OR6C2: variants seen among roughly 807,000 people sequenced by gnomAD.
OR6C2 encodes olfactory receptor family 6 subfamily C member 2, also known as olfactory receptor 6C2.
For missense variants in OR6C2, 435 were observed against 365.8 expected (o/e 1.19, Z -1.54); for synonymous variants, 146 against 134.2 (o/e 1.09, Z -0.61).
Position 55,452,602 on chromosome 12 carries a change from A to T in OR6C2, c.389A>T (p.Tyr130Phe), listed in dbSNP as rs768723583. 1.9e-6 allele frequency: 3 copies of T among 1,613,854 alleles called. No individual in the cohort carries two copies. The highest frequency in any genetic ancestry group is 1.1e-5 in the South Asian group (1 of 91,082). The change falls in exon 2 of 2, where the codon TAT (tyrosine) becomes TTT (phenylalanine). Residue 130 changes from tyrosine (Y) to phenylalanine (F), a missense_variant. Transcript: ENST00000641202. ...RYVAICKPLH[Y>F]VVIMNNRVCT... Reference sequence around the variant, plus strand: ...GTGGCCATCTGTAAACCCCTTCATTATGTGGTCATCATGAACAACAGGGTG... The same window carrying T: ...GTGGCCATCTGTAAACCCCTTCATTTTGTGGTCATCATGAACAACAGGGTG...
intron 1 of OR6C2, among the ~76,000 whole-genome samples, chr12:55,445,755 G>A (rs988677467): frequency 2.0e-5 from 3 of 152,144 alleles, no homozygotes; most frequent in Non-Finnish European, 4.4e-5. Context: ...ATATAAATTA[G>A]GTGATTGCTG....
chr12:55,452,800 TG>T lies in OR6C2; in HGVS notation c.589del (p.Val197LeufsTer13). 1 of 1,613,760 alleles carries T rather than the reference TG, an allele frequency of 6.2e-7. No homozygotes were observed. The highest frequency in any genetic ancestry group is 8.5e-7 in the Non-Finnish European group (1 of 1,179,780). ...SCSDTWVIEQ[M>X]VILMAVFALI... is the part of the protein sequence containing the mutation. ...TCAGATACATGGGTAATAGAACAGA[TG>T]GTTATACTTATGGCTGTATTTGCAC... On this transcript the variant is annotated frameshift_variant, in exon 2 of 2. Transcript: ENST00000641202. LOFTEE classifies it low-confidence loss of function (END_TRUNC).
chr12:55,448,702 G>A (rs765956858), intron 1 of OR6C2, among the ~76,000 whole-genome samples: 9 of 143,236 alleles, frequency 6.3e-5, no homozygotes, highest in Non-Finnish European at 9.1e-5. Flanking sequence ...CTATTGTAGC[G>A]TTGTTTTCCT....
intron 1 of OR6C2, among the ~76,000 whole-genome samples, chr12:55,444,716 G>C (rs2120672462): frequency 6.6e-6 from 1 of 152,168 alleles, no homozygotes; most frequent in East Asian, 1.9e-4. Context: ...CAAAGGGAGA[G>C]GCATGAAAAC....
chr12:55,446,515 AG>A (rs1296296376), intron 1 of OR6C2, among the ~76,000 whole-genome samples: 2 of 152,216 alleles, frequency 1.3e-5, no homozygotes, highest in East Asian at 1.9e-4. Flanking sequence ...TCCAACAGCT[AG>A]GTGGAAGCAT....
At chr12:55,448,629 G>A (rs1871406237) in intron 1 of OR6C2, among the ~76,000 whole-genome samples, 1 of 77,138 alleles carries the variant, frequency 1.3e-5, no homozygotes, top group Non-Finnish European at 2.5e-5. Context: ...CCTGTATCTG[G>A]CTTCCATTCA....
At chr12:55,447,804 A>T (rs1465868359) in intron 1 of OR6C2, among the ~76,000 whole-genome samples, 1 of 152,102 alleles carries the variant, frequency 6.6e-6, no homozygotes, top group Non-Finnish European at 1.5e-5. Flanking sequence ...ATTTAAGAGT[A>T]AAGTTAGTTC....
chr12:55,449,001 A>G (rs894459615), intron 1 of OR6C2, among the ~76,000 whole-genome samples: 1 of 151,948 alleles, frequency 6.6e-6, no homozygotes, highest in East Asian at 1.9e-4. Flanking sequence ...AACTAAATGA[A>G]CCTTCTAATA....
chr12:55,453,099 A>G lies in OR6C2; in HGVS notation c.886A>G (p.Lys296Glu). ...TTACACCTTGAGGAACAAGCAAGTG[A>G]AACAAGCTTTCAGTGACTCTATAAA... Reference protein sequence around the residue: ...FIYTLRNKQVKQAFSDSIKRI... With the variant: ...FIYTLRNKQVEQAFSDSIKRI... The change falls in exon 2 of 2, where the codon AAA (lysine) becomes GAA (glutamate). Residue 296 changes from lysine (K) to glutamate (E), a missense_variant. Lys to Glu is a moderately conservative substitution (Grantham distance 56). Coordinates refer to ENST00000641202, the MANE Select transcript of OR6C2 (RefSeq NM_054105.2). The G allele has an allele frequency of 6.2e-7, 1 of 1,613,330 alleles. No individual in the cohort carries two copies.
chr12:55,444,765 T>C (rs985530484), intron 1 of OR6C2, among the ~76,000 whole-genome samples: 32 of 152,332 alleles, frequency 2.1e-4, no homozygotes, highest in African/African-American at 7.5e-4. Flanking sequence ...AGTTACTTCA[T>C]AGTTTATGCT....
intron 1 of OR6C2, among the ~76,000 whole-genome samples, chr12:55,445,037 T>A (rs770274212): frequency 6.6e-6 from 1 of 152,018 alleles, no homozygotes; most frequent in African/African-American, 2.4e-5. Flanking sequence ...AGTGTGAGAG[T>A]TTCGCAAAGA....
chr12:55,448,076 T>C (rs1446609387), intron 1 of OR6C2, among the ~76,000 whole-genome samples: 2 of 152,108 alleles, frequency 1.3e-5, no homozygotes, highest in African/African-American at 2.4e-5. Context: ...TAGTTTGATA[T>C]GCATTTCCCT....
intron 1 of OR6C2, among the ~76,000 whole-genome samples, chr12:55,447,364 CT>C (rs1466429278): frequency 1.3e-5 from 2 of 149,688 alleles, no homozygotes; most frequent in Non-Finnish European, 3.0e-5. Flanking sequence ...GATATCTATT[CT>C]CTTAAGCCTT....
At chr12:55,445,788 T>C (rs910911767) in intron 1 of OR6C2, among the ~76,000 whole-genome samples, 6 of 152,222 alleles carry the variant, frequency 3.9e-5, no homozygotes, top group Non-Finnish European at 7.3e-5. Context: ...ACAACACTGA[T>C]AGGCAGCTTA....
chr12:55,448,219 A>G (rs1382009017), intron 1 of OR6C2, among the ~76,000 whole-genome samples: 18 of 151,666 alleles, frequency 1.2e-4, no homozygotes, highest in Admixed American at 1.2e-3. Context: ...GAATTGTAGG[A>G]ATTTTTTATG....
chr12:55,448,063 T>C (rs139017276), intron 1 of OR6C2, among the ~76,000 whole-genome samples: 105 of 152,224 alleles, frequency 6.9e-4, no homozygotes, highest in Non-Finnish European at 9.6e-4. Context: ...TGATATCTCA[T>C]TGTAGTTTGA....
At chr12:55,447,403 A>G (rs1474027865) in intron 1 of OR6C2, among the ~76,000 whole-genome samples, 2 of 151,676 alleles carry the variant, frequency 1.3e-5, no homozygotes, top group African/African-American at 4.8e-5. Flanking sequence ...TTTGTTAACT[A>G]TAGGCACCAT....
chr12:55,445,052 A>G (rs1329150404), intron 1 of OR6C2, among the ~76,000 whole-genome samples: 1 of 152,156 alleles, frequency 6.6e-6, no homozygotes, highest in Non-Finnish European at 1.5e-5. Flanking sequence ...CAAAGAGACC[A>G]GTTTTGGGGG....
In OR6C2 at chr12:55,452,450, C is replaced by T. The variant is rs1177257384; in HGVS notation, c.237C>T (p.Phe79=). The change falls in exon 2 of 2, where the codon TTC becomes TTT. Residue 79 remains phenylalanine, a synonymous_variant. Coordinates refer to ENST00000641202, the MANE Select transcript of OR6C2 (RefSeq NM_054105.2). Reference sequence around the variant, plus strand: ...TTACTACAGTCTGCATTCCCAGATTCTTGTACAATATATCAATGGGGGACA... The same window carrying T: ...TTACTACAGTCTGCATTCCCAGATTTTTGTACAATATATCAATGGGGGACA... The part of the protein sequence containing the change: ...VSFTTVCIPR[F]LYNISMGDNT... 7.4e-6 allele frequency: 12 copies of T among 1,613,612 alleles called. No homozygotes were observed. Among genetic ancestry groups the T allele is most frequent in the Non-Finnish European group, 1.0e-5 (12 of 1,179,620 alleles).
Sources: gnomAD v4.1 joint callset for allele counts (sites outside exome capture counted in the v4.1 genomes callset) on GRCh38, gnomAD v4.1.1 for gene constraint, MANE v1.5 for transcripts, NCBI Gene and HGNC (gene_info 2026-07-23, HGNC 2026-07-21) for gene names.